Variants in NRG3 observed in about 807,000 individuals in gnomAD.
The protein encoded by NRG3 is neuregulin 3.
Under a neutral mutation model 66.9 loss-of-function variants are expected in NRG3, and 31 were observed. The observed-to-expected ratio is 0.46, with a 90% CI of 0.35 to 0.63. The LOEUF (loss-of-function observed/expected upper bound fraction) is 0.63, where lower values mean the gene tolerates loss of function less well. Among genes scored for constraint, NRG3 ranks in the 20% least tolerant of loss-of-function variants. NRG3 has a pLI of 0.00. For missense variants in NRG3, 910 were observed against 878.9 expected (o/e 1.04, Z -0.45); for synonymous variants, 393 against 359.4 (o/e 1.09, Z -1.06).
At position 82,630,602 on chromosome 10, in the gene NRG3, T is replaced by C. The variant is rs544111843; in HGVS notation, c.954-107975T>C. Among the ~76,000 whole-genome samples the C allele has an allele frequency of 2.0e-5, 3 of 151,864 alleles. No individual in the cohort carries two copies. The South Asian group carries it at 6.3e-4, about 32-fold the overall frequency. On this transcript the variant is annotated intron_variant, in intron 2 of 8. Transcript: ENST00000372141. ...CTGAGGCAGGAGAGTCACTTGAACC[T>C]GGGAGGCGAAGGTTGCAGTGAGCTG...
chr10:81,894,069 C>T (rs1459632085), intron 1 of NRG3, among the ~76,000 whole-genome samples: 1 of 152,076 alleles, frequency 6.6e-6, no homozygotes, highest in Non-Finnish European at 1.5e-5. Context: ...GGCTGGGTGT[C>T]GTGGCTCAGG....
chr10:82,431,070 C>T (rs559092446), intron 2 of NRG3, among the ~76,000 whole-genome samples: 1 of 152,226 alleles, frequency 6.6e-6, no homozygotes, highest in East Asian at 1.9e-4. Context: ...GTTTTGGTGG[C>T]TTGCCTCTTA....
intron 1 of NRG3, among the ~76,000 whole-genome samples, chr10:82,179,578 G>T (rs2073275421): frequency 6.6e-6 from 1 of 151,826 alleles, no homozygotes; most frequent in South Asian, 2.1e-4. Flanking sequence ...TTATTTCTGG[G>T]CTGTGTTCTC....
intron 1 of NRG3, among the ~76,000 whole-genome samples, chr10:82,270,633 GCCCTT>G: frequency 1.3e-5 from 2 of 152,092 alleles, no homozygotes; most frequent in South Asian, 4.2e-4. Flanking sequence ...ACTTTCCTTT[GCCCTT>G]CCGAAGGTAT....
chr10:82,814,334 T>G (rs1287233009), intron 3 of NRG3, among the ~76,000 whole-genome samples: 1 of 152,230 alleles, frequency 6.6e-6, no homozygotes, highest in Non-Finnish European at 1.5e-5. Context: ...ATCATTAATT[T>G]ACATTAAAGA....
intron 1 of NRG3, among the ~76,000 whole-genome samples, chr10:82,277,090 A>G (rs780668952): frequency 6.6e-6 from 1 of 151,850 alleles, no homozygotes; most frequent in Non-Finnish European, 1.5e-5. Context: ...TTTGTTTTTT[A>G]CTTTCTTTCA....
rs374766243 is a variant in NRG3, at chr10:82,462,888, A to T, written c.953+104020A>T. 1.1e-4 allele frequency among the ~76,000 whole-genome samples: 16 copies of T among 152,238 alleles called. No individual in the cohort carries two copies. In the East Asian group the frequency reaches 1.9e-3, roughly 18 times the overall value. On this transcript the variant is annotated intron_variant, in intron 2 of 8. Transcript: ENST00000372141. ...TTTTTTATTTTTTCCTATTTTGTTG[A>T]TGTGAAAACTGTGGCTCACAGAGGT...
intron 2 of NRG3, among the ~76,000 whole-genome samples, chr10:82,582,476 T>G (rs1357862515): frequency 6.6e-6 from 1 of 152,136 alleles, no homozygotes; most frequent in Non-Finnish European, 1.5e-5. Context: ...TCTTTAAGTC[T>G]TCTCAGTTAG....
chr10:82,232,472 G>T (rs1295932167), intron 1 of NRG3: 1 of 346,690 alleles, frequency 2.9e-6, no homozygotes, highest in East Asian at 5.7e-5. Context: ...TGTGTTGCTT[G>T]TGCTTACAGT....
intron 1 of NRG3, among the ~76,000 whole-genome samples, chr10:82,203,636 A>T (rs2074963258): frequency 1.3e-5 from 2 of 152,206 alleles, no homozygotes; most frequent in Non-Finnish European, 2.9e-5. Flanking sequence ...ATATAAAATT[A>T]GAATGCAAAA....
intron 1 of NRG3, among the ~76,000 whole-genome samples, chr10:82,148,361 A>G (rs1447590442): frequency 1.3e-5 from 2 of 152,138 alleles, no homozygotes; most frequent in Admixed American, 6.5e-5. Flanking sequence ...ATAATAAAAT[A>G]TCACTCATAT....
At chr10:81,918,712 G>C (rs1845935518) in intron 1 of NRG3, among the ~76,000 whole-genome samples, 1 of 151,720 alleles carries the variant, frequency 6.6e-6, no homozygotes, top group South Asian at 2.1e-4. Flanking sequence ...TGCTGATAGA[G>C]AGCTGTATTA....
At chr10:82,552,858 A>T (rs560207651) in intron 2 of NRG3, among the ~76,000 whole-genome samples, 7 of 152,292 alleles carry the variant, frequency 4.6e-5, no homozygotes, top group African/African-American at 1.7e-4. Context: ...TAAGAGACAA[A>T]GACCAAACTC....
chr10:82,344,193 C>T (rs2082850142), intron 1 of NRG3, among the ~76,000 whole-genome samples: 1 of 149,652 alleles, frequency 6.7e-6, no homozygotes, highest in African/African-American at 2.5e-5. Flanking sequence ...AGGTATATCT[C>T]CCAATGCTAT....
intron 4 of NRG3, among the ~76,000 whole-genome samples, chr10:82,915,891 C>A (rs906358292): frequency 6.6e-6 from 1 of 152,020 alleles, no homozygotes; most frequent in African/African-American, 2.4e-5. Context: ...CTTATAAATT[C>A]AACAAACGTT....
rs1437108561 is a variant in NRG3, at chr10:82,447,419, A to G, written c.953+88551A>G. On this transcript the variant is annotated intron_variant, in intron 2 of 8. Transcript: ENST00000372141. ...GACAACATAGTGAGGCCCCATCCCTAAAAAAATTAATAAATAAGAAAAAAA... is the reference window on the plus strand; with the variant it reads ...GACAACATAGTGAGGCCCCATCCCTGAAAAAATTAATAAATAAGAAAAAAA... 7.9e-5 allele frequency among the ~76,000 whole-genome samples: 12 copies of G among 152,296 alleles called. No individual in the cohort carries two copies. The South Asian group carries it at 2.1e-3, about 26-fold the overall frequency.
At chr10:82,001,606 G>A (rs1379012853) in intron 1 of NRG3, among the ~76,000 whole-genome samples, 1 of 152,108 alleles carries the variant, frequency 6.6e-6, no homozygotes, top group Non-Finnish European at 1.5e-5. Context: ...ATAAATGAAA[G>A]CTTACCTTAC....
chr10:82,198,647 C>T (rs1322796685), intron 1 of NRG3, among the ~76,000 whole-genome samples: 1 of 152,156 alleles, frequency 6.6e-6, no homozygotes, highest in Non-Finnish European at 1.5e-5. Flanking sequence ...TTCACCCCCT[C>T]TTCAAATTCA....
intron 1 of NRG3, among the ~76,000 whole-genome samples, chr10:82,046,013 G>C (rs766487669): frequency 0.19 from 25,228 of 131,560 alleles, 2,537 homozygotes; most frequent in Middle Eastern, 0.22. Flanking sequence ...ATGCCTCCAG[G>C]TTTGTTCTTT....
Sources: gnomAD v4.1 joint callset for allele counts (sites outside exome capture counted in the v4.1 genomes callset) on GRCh38, gnomAD v4.1.1 for gene constraint, MANE v1.5 for transcripts, NCBI Gene and HGNC (gene_info 2026-07-23, HGNC 2026-07-21) for gene names.